The following VAT1L variants were observed in gnomAD, a reference collection of about 807,000 sequenced individuals.
VAT1L encodes the protein vesicle amine transport 1 like.
A neutral mutation model predicts 44.1 loss-of-function variants in VAT1L; 34 were observed. That is an observed-to-expected ratio of 0.77 (90% CI 0.59 to 1.03). The LOEUF (loss-of-function observed/expected upper bound fraction) is 1.03. VAT1L is among the 50% of genes least tolerant of loss of function. VAT1L has a pLI of 0.00. For synonymous variants in VAT1L, 253 were observed against 202.2 expected (o/e 1.25, Z -2.13); for missense variants, 615 against 538.8 (o/e 1.14, Z -1.40).
At chr16:77,961,758 G>A (rs979884114) in intron 7 of VAT1L, among the ~76,000 whole-genome samples, 2 of 152,152 alleles carry the variant, frequency 1.3e-5, no homozygotes, top group African/African-American at 4.8e-5. Context: ...GGAAAAGCCT[G>A]GGCTTGGCCC....
chr16:77,942,683 A>C (rs1010671345), intron 7 of VAT1L, among the ~76,000 whole-genome samples: 6 of 152,184 alleles, frequency 3.9e-5, no homozygotes, highest in African/African-American at 1.4e-4. Context: ...ACATGTGCAG[A>C]TAGAGCAGTG....
chr16:77,966,073 G>A (rs1184472255), intron 7 of VAT1L, among the ~76,000 whole-genome samples: 3 of 152,104 alleles, frequency 2.0e-5, no homozygotes, highest in Non-Finnish European at 4.4e-5. Context: ...TCATTATATT[G>A]AGTATATATT....
At chr16:77,915,599 A>G (rs573173379) in intron 7 of VAT1L, among the ~76,000 whole-genome samples, 104 of 152,304 alleles carry the variant, frequency 6.8e-4, no homozygotes, top group Non-Finnish European at 1.1e-3. Context: ...AAAACCTTGA[A>G]GGAAGTGCAT....
chr16:77,796,910 G>T (rs1046059109), intron 1 of VAT1L, among the ~76,000 whole-genome samples: 1 of 152,158 alleles, frequency 6.6e-6, no homozygotes, highest in Non-Finnish European at 1.5e-5. Context: ...TTCTCACTTA[G>T]AAGTGGGTAC....
At chr16:77,952,254 C>G (rs1364370576) in intron 7 of VAT1L, among the ~76,000 whole-genome samples, 2 of 152,174 alleles carry the variant, frequency 1.3e-5, no homozygotes, top group African/African-American at 4.8e-5. Context: ...TAGGGACCTA[C>G]AGTCAGGAAG....
chr16:77,856,116 C>T (rs1192354622), intron 3 of VAT1L, among the ~76,000 whole-genome samples: 1 of 152,024 alleles, frequency 6.6e-6, no homozygotes, highest in Non-Finnish European at 1.5e-5. Flanking sequence ...AAGGAATAAA[C>T]CGGGAGAAAA....
At chr16:77,956,710 C>A (rs867418198) in intron 7 of VAT1L, among the ~76,000 whole-genome samples, 10 of 152,112 alleles carry the variant, frequency 6.6e-5, no homozygotes, top group Admixed American at 1.3e-4. Flanking sequence ...CAATATATAC[C>A]CCGCTTTAGA....
intron 7 of VAT1L, among the ~76,000 whole-genome samples, chr16:77,947,974 G>A (rs181756560): frequency 1.3e-5 from 2 of 152,234 alleles, no homozygotes; most frequent in African/African-American, 2.4e-5. Context: ...TGGTCAGGCT[G>A]GTCTCAAACT....
chr16:77,944,421 A>G (rs1337037843), intron 7 of VAT1L, among the ~76,000 whole-genome samples: 3 of 152,146 alleles, frequency 2.0e-5, no homozygotes, highest in African/African-American at 7.2e-5. Flanking sequence ...GCAATAAATG[A>G]CCGAAGGATA....
intron 8 of VAT1L, among the ~76,000 whole-genome samples, chr16:77,974,597 C>G (rs561369164): frequency 6.6e-6 from 1 of 152,324 alleles, no homozygotes; most frequent in African/African-American, 2.4e-5. Flanking sequence ...CAGTCTCACT[C>G]TGTCACCCAG....
At chr16:77,833,413 A>G (rs895903613) in intron 3 of VAT1L, among the ~76,000 whole-genome samples, 10 of 152,352 alleles carry the variant, frequency 6.6e-5, no homozygotes, top group Middle Eastern at 3.4e-3. Context: ...TCTGTGGATG[A>G]TAAGCAGATA....
At chr16:77,832,622 G>T (rs536610086) in intron 3 of VAT1L, among the ~76,000 whole-genome samples, 1 of 152,178 alleles carries the variant, frequency 6.6e-6, no homozygotes, top group Non-Finnish European at 1.5e-5. Context: ...CATAGACCTT[G>T]GAAAGGAAAG....
At chr16:77,928,140 A>G (rs1248743264) in intron 7 of VAT1L, among the ~76,000 whole-genome samples, 2 of 152,086 alleles carry the variant, frequency 1.3e-5, no homozygotes, top group Non-Finnish European at 2.9e-5. Flanking sequence ...GTTTAGTTCA[A>G]TCAAAGACCC....
chr16:77,951,724 G>C (rs906766964), intron 7 of VAT1L, among the ~76,000 whole-genome samples: 1 of 152,010 alleles, frequency 6.6e-6, no homozygotes, highest in Admixed American at 6.6e-5. Context: ...AAGGAGGTGA[G>C]ATTAGCACAA....
chr16:77,888,848 C>T (rs2017234929), intron 7 of VAT1L, among the ~76,000 whole-genome samples: 1 of 152,212 alleles, frequency 6.6e-6, no homozygotes, highest in African/African-American at 2.4e-5. Context: ...TAAAGGAATT[C>T]TACGTTCCTG....
At chr16:77,944,692 T>C (rs575217505) in intron 7 of VAT1L, among the ~76,000 whole-genome samples, 1 of 152,354 alleles carries the variant, frequency 6.6e-6, no homozygotes, top group South Asian at 2.1e-4. Flanking sequence ...ATCATTACTC[T>C]TGCTATTATA....
intron 4 of VAT1L, among the ~76,000 whole-genome samples, chr16:77,871,912 T>C (rs924680028): frequency 7.2e-5 from 11 of 152,132 alleles, no homozygotes; most frequent in African/African-American, 2.4e-4. Context: ...TTGCGTACTC[T>C]TTCTTTTCAT....
intron 3 of VAT1L, among the ~76,000 whole-genome samples, chr16:77,832,424 C>G (rs1441642243): frequency 6.6e-6 from 1 of 152,134 alleles, no homozygotes; most frequent in Non-Finnish European, 1.5e-5. Flanking sequence ...TAGAGACAAC[C>G]TAAAGACAGC....
At chr16:77,971,731 T>G (rs1391300353) in intron 7 of VAT1L, 119 bp from the exon 8 acceptor site, 1 of 1,059,278 alleles carries the variant, frequency 9.4e-7, no homozygotes, top group East Asian at 2.4e-5. Context: ...TCTTAGCCAC[T>G]AAACTTGAGC....
Sources: gnomAD v4.1 joint callset for allele counts (sites outside exome capture counted in the v4.1 genomes callset) on GRCh38, gnomAD v4.1.1 for gene constraint, MANE v1.5 for transcripts, NCBI Gene and HGNC (gene_info 2026-07-23, HGNC 2026-07-21) for gene names.